CUX1: variants seen among roughly 807,000 people sequenced by gnomAD.
CUX1 encodes protein CASP.
A neutral mutation model predicts 158.8 loss-of-function variants in CUX1; 31 were observed. That is an observed-to-expected ratio of 0.20 (90% CI 0.15 to 0.26). The LOEUF is 0.26. Among genes scored for constraint, CUX1 ranks in the 10% least tolerant of loss-of-function variants. The pLI is 1.00. For synonymous variants in CUX1, 879 were observed against 862.1 expected, an observed-to-expected ratio of 1.02 and a Z score of -0.34; for missense variants, 1,589 against 2,014.6, an observed-to-expected ratio of 0.79 and a Z score of 4.04.
chr7:101,995,142 C>G (rs1052572895), intron 2 of CUX1, among the ~76,000 whole-genome samples: 1 of 152,082 alleles, frequency 6.6e-6, no homozygotes, highest in Non-Finnish European at 1.5e-5. Context: ...AGAAACCTGG[C>G]TGGGGGTGAT....
At chr7:102,125,915 G>T (rs781850573) in intron 8 of CUX1, 1 of 151,776 alleles carries the variant, frequency 6.6e-6, no homozygotes, top group Admixed American at 6.6e-5. Context: ...TACAACCTCC[G>T]CCTCCTGGGT....
rs545976894 is a variant in CUX1, at chr7:102,095,020, G to A, written c.269-2344G>A. ...AGATAGCATTTTTTTTTTTTTCCAA[G>A]ACAGGATTTCGCTCTGTTGCCCCGG... On this transcript the variant is annotated intron_variant, in intron 4 of 23. Coordinates refer to ENST00000292535, the MANE Select transcript of CUX1 (RefSeq NM_181552.4). 6.5e-4 allele frequency among the ~76,000 whole-genome samples: 98 copies of A among 149,804 alleles called. 1 individual carries two copies. Among genetic ancestry groups the A allele is most frequent in the Non-Finnish European group, 9.2e-4 (62 of 67,586 alleles).
At chr7:101,839,588 G>A (rs1009160609) in intron 1 of CUX1, among the ~76,000 whole-genome samples, 2 of 152,080 alleles carry the variant, frequency 1.3e-5, no homozygotes, top group African/African-American at 4.8e-5. Flanking sequence ...CAGGGAAGTC[G>A]ATCTTTGCGA....
Position 102,217,976 on chromosome 7 carries a change from TG to T in CUX1, c.3131-9389del, listed in dbSNP as rs1490082331. On this transcript the variant is annotated intron_variant, in intron 20 of 23. Transcript: ENST00000292535. ...ATGGTGTCTAGAGGGAGAAAGGCTC[TG>T]GATGGACACGATGGTGTCTCCTCTA... 3.3e-5 allele frequency among the ~76,000 whole-genome samples: 5 copies of T among 152,222 alleles called. No individual in the cohort carries two copies. The East Asian group carries it at 9.6e-4, about 29-fold the overall frequency.
chr7:101,896,426 A>G (rs1314569551), intron 1 of CUX1, among the ~76,000 whole-genome samples: 4 of 152,166 alleles, frequency 2.6e-5, no homozygotes, highest in African/African-American at 9.7e-5. Flanking sequence ...ATACACAGGA[A>G]CGCCACAGTC....
chr7:101,816,109 G>C (rs1308467001), upstream of CUX1: 1 of 1,338,336 alleles, frequency 7.5e-7, no homozygotes, highest in Non-Finnish European at 9.9e-7. Flanking sequence ...GCTCCTCCGC[G>C]CTCGGCCTCG....
chr7:102,031,057 C>A (rs539953767), intron 3 of CUX1, among the ~76,000 whole-genome samples: 241 of 151,860 alleles, frequency 1.6e-3, no homozygotes, highest in African/African-American at 4.9e-3. Context: ...ACCTTCATTT[C>A]TTTTTATTTT....
chr7:102,260,701 G>C (rs1790343483), downstream of CUX1, among the ~76,000 whole-genome samples: 1 of 151,430 alleles, frequency 6.6e-6, no homozygotes, highest in East Asian at 2.0e-4. Context: ...TGGGATTACA[G>C]GCGTGAGCCA....
Position 102,248,690 on chromosome 7 carries a change from A to G in CUX1, c.4166A>G (p.Asp1389Gly). The G allele has an allele frequency of 7.8e-7, 1 of 1,275,130 alleles. No individual in the cohort carries two copies. The highest frequency in any genetic ancestry group is 1.8e-5 in the South Asian group (1 of 56,936). 79.0% of individuals were successfully genotyped at this position (1,275,130 alleles called of 1,614,324 possible). The change falls in exon 24 of 24, where the codon GAC (aspartate) becomes GGC (glycine). Residue 1389 changes from aspartate to glycine, a missense_variant. Transcript: ENST00000292535. The surrounding 1 kb of genome is among the most constrained non-coding windows in gnomAD (Gnocchi z 5.8). ...CCGGGCCCGGACGACGCCCGCGACG[A>G]CGACCACGAGGGAGGCCCCGTGGAA... ...GTPGPDDARD[D>G]DHEGGPVEGP...
intron 19 of CUX1, among the ~76,000 whole-genome samples, chr7:102,280,611 AGG>A (rs1184551517): frequency 3.4e-4 from 52 of 152,024 alleles, no homozygotes; most frequent in Non-Finnish European, 5.2e-4. Flanking sequence ...CACAGATGTC[AGG>A]GGAGTCCAGA....
downstream of CUX1, among the ~76,000 whole-genome samples, chr7:102,259,556 C>G (rs1034000126): frequency 1.3e-5 from 2 of 152,130 alleles, no homozygotes; most frequent in African/African-American, 4.8e-5. Flanking sequence ...CCACTGCACT[C>G]CGGCCTGGGC....
chr7:102,126,330 C>G (rs1186951347), intron 8 of CUX1, among the ~76,000 whole-genome samples: 1 of 151,990 alleles, frequency 6.6e-6, no homozygotes, highest in South Asian at 2.1e-4. Flanking sequence ...TGAGGTACCA[C>G]GCCCGGCCCG....
At chr7:101,850,902 T>C (rs987362543) in intron 1 of CUX1, among the ~76,000 whole-genome samples, 3 of 152,126 alleles carry the variant, frequency 2.0e-5, no homozygotes, top group Admixed American at 2.0e-4. Context: ...AGCTCTTGAC[T>C]AGCCTCGGCA....
chr7:102,254,844 T>C lies in CUX1; in HGVS notation c.*5802T>C. On this transcript the variant is annotated 3_prime_UTR_variant, in exon 24 of 24. Transcript: ENST00000292535. Reference sequence around the variant, plus strand: ...CCGGCACACTCGAACGCTAAGAGAATGGTCCAATTTGATGATCTTATTTCT... The same window carrying C: ...CCGGCACACTCGAACGCTAAGAGAACGGTCCAATTTGATGATCTTATTTCT... The C allele has an allele frequency of 1.0e-6, 1 of 985,474 alleles. No homozygotes were observed. The highest frequency in any genetic ancestry group is 1.2e-6 in the Non-Finnish European group (1 of 829,942). The allele number at this position is 985,474 out of a possible 1,614,324, so 61.0% of individuals were successfully genotyped here. A position where few individuals can be genotyped will look rare whatever the true frequency, so the allele number is the denominator to read the frequency against.
chr7:101,987,117 G>C (rs750411562), intron 2 of CUX1, among the ~76,000 whole-genome samples: 1 of 152,160 alleles, frequency 6.6e-6, no homozygotes, highest in Non-Finnish European at 1.5e-5. Flanking sequence ...GTCCGTCTTG[G>C]AATGAGGCAC....
intron 8 of CUX1, among the ~76,000 whole-genome samples, chr7:102,141,295 T>C (rs1834431983): frequency 6.6e-6 from 1 of 152,144 alleles, no homozygotes; most frequent in South Asian, 2.1e-4. Context: ...CAGTTTCACT[T>C]CCCAGCCCTG....
At chr7:101,898,067 C>A (rs2131713018) in intron 1 of CUX1, among the ~76,000 whole-genome samples, 1 of 152,198 alleles carries the variant, frequency 6.6e-6, no homozygotes, top group East Asian at 1.9e-4. Context: ...GGAAGAGTCA[C>A]CGCAGGGAGC....
At position 102,136,912 on chromosome 7, in the gene CUX1, A is replaced by G. The variant is rs185844196; in HGVS notation, c.674+21639A>G. ...CTTTTATTTCATTTTGTGGATGTTT[A>G]TTACTGGTGTAGGGGAGTTTGTTAT... is the stretch of plus-strand genomic sequence containing the variant. On this transcript the variant is annotated intron_variant, in intron 8 of 23. Transcript: ENST00000292535. Among the ~76,000 whole-genome samples the G allele has an allele frequency of 6.0e-3, 906 of 152,218 alleles. 6 individuals are homozygous for G. Among genetic ancestry groups the G allele is most frequent in the African/African-American group, 0.021 (873 of 41,546 alleles).
chr7:102,280,941 C>T (rs1792020142), intron 20 of CUX1: 1 of 1,396,832 alleles, frequency 7.2e-7, no homozygotes, highest in Admixed American at 1.7e-5. Context: ...TGCCCTGCAG[C>T]CCAGGCTGGA....
Sources: allele counts gnomAD v4.1 joint callset (sites outside exome capture counted in the v4.1 genomes callset), GRCh38; gene constraint gnomAD v4.1.1; non-coding constraint Gnocchi (gnomAD v3.1); transcripts MANE v1.5; gene names NCBI Gene and HGNC (gene_info 2026-07-23, HGNC 2026-07-21).